IMMP2L: variants seen among roughly 807,000 people sequenced by gnomAD.
IMMP2L encodes inner mitochondrial membrane peptidase subunit 2, also known as mitochondrial inner membrane protease subunit 2.
In IMMP2L, 18 loss-of-function variants were observed where a neutral mutation model predicts 19.3. That is an observed-to-expected ratio of 0.93 (90% CI 0.64 to 1.38). The LOEUF (loss-of-function observed/expected upper bound fraction) is 1.38. Ranked by LOEUF, IMMP2L falls within the 40% of genes most tolerant of loss-of-function variation. The probability of loss-of-function intolerance (pLI) is 0.00; values close to 1 mark genes in which losing one functional copy is unlikely to be tolerated. For missense variants in IMMP2L, 233 were observed against 218.2 expected (o/e 1.07, Z -0.43); for synonymous variants, 76 against 73.0 (o/e 1.04, Z -0.21).
chr7:110,750,389 G>A (rs1285430034), intron 5 of IMMP2L, among the ~76,000 whole-genome samples: 3 of 152,118 alleles, frequency 2.0e-5, no homozygotes, highest in East Asian at 1.9e-4. Flanking sequence ...GAAACCCCTG[G>A]AAAAACAGAC....
intron 3 of IMMP2L, among the ~76,000 whole-genome samples, chr7:111,285,143 A>C (rs1316596700): frequency 6.6e-6 from 1 of 152,112 alleles, no homozygotes; most frequent in Non-Finnish European, 1.5e-5. Flanking sequence ...AGCTTACCCT[A>C]TGACATGAAA....
At chr7:111,362,732 A>G (rs1267536101) in intron 3 of IMMP2L, among the ~76,000 whole-genome samples, 1 of 148,932 alleles carries the variant, frequency 6.7e-6, no homozygotes, top group African/African-American at 2.6e-5. Context: ...CTTTTTCAAT[A>G]CCAATACCAA....
intron 2 of IMMP2L, among the ~76,000 whole-genome samples, chr7:111,498,239 G>A (rs1843780963): frequency 1.3e-5 from 2 of 151,974 alleles, no homozygotes; most frequent in Admixed American, 6.6e-5. Flanking sequence ...CGTGCATTGT[G>A]TTTCCTAGCT....
chr7:110,952,610 A>C (rs1563107083), intron 4 of IMMP2L, among the ~76,000 whole-genome samples: 1 of 152,276 alleles, frequency 6.6e-6, no homozygotes, highest in South Asian at 2.1e-4. Context: ...TGTCAAAAGT[A>C]TCAAAAGTTA....
At chr7:111,478,136 A>G (rs1220180628) in intron 3 of IMMP2L, among the ~76,000 whole-genome samples, 2 of 151,958 alleles carry the variant, frequency 1.3e-5, no homozygotes, top group Non-Finnish European at 2.9e-5. Flanking sequence ...TTCCACTATT[A>G]TATTATTTAC....
At chr7:110,813,144 A>C (rs1802166236) in intron 5 of IMMP2L, among the ~76,000 whole-genome samples, 1 of 152,188 alleles carries the variant, frequency 6.6e-6, no homozygotes, top group African/African-American at 2.4e-5. Flanking sequence ...AAATCAAAGG[A>C]TATAGAATGG....
At chr7:111,493,258 A>G (rs1270562376) in intron 2 of IMMP2L, among the ~76,000 whole-genome samples, 1 of 152,174 alleles carries the variant, frequency 6.6e-6, no homozygotes, top group African/African-American at 2.4e-5. Flanking sequence ...TCACAACACA[A>G]TAAACTATCT....
chr7:110,728,560 C>T lies in IMMP2L; in HGVS notation c.409-64839G>A, dbSNP rs1045977366. The stretch of plus-strand genomic sequence containing the variant: ...AAAGGCCCCTTTTGACCCACCTTAC[C>T]TGCAAAGAATAATCAGGGCAGAAGG... On this transcript the variant is annotated intron_variant, in intron 5 of 5. Transcript: ENST00000405709. This position sits in a 1 kb window ranked among gnomAD's most constrained non-coding sequence, Gnocchi z 4.6. 1.3e-5 allele frequency among the ~76,000 whole-genome samples: 2 copies of T among 152,044 alleles called. No individual in the cohort carries two copies. The highest frequency in any genetic ancestry group is 2.9e-5 in the Non-Finnish European group (2 of 67,998).
intron 5 of IMMP2L, among the ~76,000 whole-genome samples, chr7:110,805,049 C>G (rs760788699): frequency 6.6e-5 from 10 of 152,238 alleles, no homozygotes; most frequent in Non-Finnish European, 1.3e-4. Flanking sequence ...AAAAAATTGA[C>G]TTTAATATTA....
intron 3 of IMMP2L, among the ~76,000 whole-genome samples, chr7:111,352,040 A>G (rs2130894626): frequency 6.6e-6 from 1 of 152,254 alleles, no homozygotes; most frequent in Admixed American, 6.5e-5. Flanking sequence ...TTCCAGTTGC[A>G]TTTTATATCA....
At chr7:111,543,594 T>C (rs931191791) in intron 1 of IMMP2L, among the ~76,000 whole-genome samples, 5 of 152,180 alleles carry the variant, frequency 3.3e-5, no homozygotes, top group Admixed American at 1.3e-4. Context: ...AGCTAGAAGA[T>C]CATGTTACCC....
intron 3 of IMMP2L, among the ~76,000 whole-genome samples, chr7:111,450,156 A>G (rs1045286996): frequency 5.3e-5 from 8 of 151,722 alleles, no homozygotes; most frequent in African/African-American, 1.7e-4. Flanking sequence ...TACAGATTCA[A>G]TGCCACCCCC....
At chr7:111,353,661 G>C (rs867705315) in intron 3 of IMMP2L, among the ~76,000 whole-genome samples, 4 of 152,162 alleles carry the variant, frequency 2.6e-5, no homozygotes, top group Non-Finnish European at 5.9e-5. Flanking sequence ...ATGGCAATAA[G>C]GTTCCGTCCA....
At chr7:111,355,204 G>A (rs897578233) in intron 3 of IMMP2L, among the ~76,000 whole-genome samples, 1 of 151,294 alleles carries the variant, frequency 6.6e-6, no homozygotes, top group Non-Finnish European at 1.5e-5. Context: ...CTTCTTAAAA[G>A]TTCCTTTATT....
At chr7:111,203,569 CTT>C (rs199683002) in intron 3 of IMMP2L, among the ~76,000 whole-genome samples, 6,438 of 127,742 alleles carry the variant, frequency 0.05, 168 homozygotes, top group South Asian at 0.09. Context: ...TATACTGGTT[CTT>C]TTTTTTTTTT....
chr7:111,157,957 C>A (rs1340869675), intron 3 of IMMP2L, among the ~76,000 whole-genome samples: 1 of 151,896 alleles, frequency 6.6e-6, no homozygotes, highest in African/African-American at 2.4e-5. Context: ...TTGGTGATTA[C>A]ACGACATTAA....
At position 111,017,382 on chromosome 7, in the gene IMMP2L, T is replaced by C. The variant is rs888870228; in HGVS notation, c.240-53817A>G. 2.6e-5 allele frequency among the ~76,000 whole-genome samples: 4 copies of C among 152,164 alleles called. No individual in the cohort carries two copies. In the East Asian group the frequency reaches 7.7e-4, roughly 29 times the overall value. ...CCCAGCCTTGTTATTTTTAACTCCA[T>C]GGTCATTACTTACTTTCCAGTAATG... On this transcript the variant is annotated intron_variant, in intron 3 of 5. Transcript: ENST00000405709.
intron 4 of IMMP2L, among the ~76,000 whole-genome samples, chr7:110,904,085 T>C (rs952328300): frequency 6.6e-6 from 1 of 152,170 alleles, no homozygotes; most frequent in African/African-American, 2.4e-5. Context: ...TGGTTTGTTT[T>C]ACTATAGAGT....
intron 5 of IMMP2L, among the ~76,000 whole-genome samples, chr7:110,701,943 A>AT (rs1009062022): frequency 6.0e-5 from 9 of 150,958 alleles, no homozygotes; most frequent in Admixed American, 4.0e-4. Context: ...TTTTATTTTT[A>AT]TTTTTTTTCT....
Sources: allele counts gnomAD v4.1 joint callset (sites outside exome capture counted in the v4.1 genomes callset), GRCh38; gene constraint gnomAD v4.1.1; non-coding constraint Gnocchi (gnomAD v3.1); transcripts MANE v1.5; gene names NCBI Gene and HGNC (gene_info 2026-07-23, HGNC 2026-07-21).